The following MRPL48 variants were observed in gnomAD, a reference collection of about 807,000 sequenced individuals.
MRPL48 encodes mitochondrial ribosomal protein L48.
MRPL48 carries 16 observed loss-of-function variants against 32.9 expected under a neutral mutation model. The ratio of observed to expected loss-of-function variants is 0.49; its 90% confidence interval spans 0.33 to 0.74. The LOEUF is 0.74. MRPL48 is among the 30% of genes least tolerant of loss of function. The pLI is 0.02. For missense variants in MRPL48, 206 were observed against 245.3 expected (o/e 0.84, Z 1.07); for synonymous variants, 94 against 89.2 (o/e 1.05, Z -0.31).
At chr11:73,814,457 G>A (rs930567039) in intron 3 of MRPL48, among the ~76,000 whole-genome samples, 1 of 152,086 alleles carries the variant, frequency 6.6e-6, no homozygotes, top group African/African-American at 2.4e-5. Context: ...CACTTTGGGA[G>A]GCTGAGGCCA....
intron 1 of MRPL48, among the ~76,000 whole-genome samples, chr11:73,799,491 G>C (rs1439141020): frequency 6.6e-6 from 1 of 152,200 alleles, no homozygotes; most frequent in Non-Finnish European, 1.5e-5. Flanking sequence ...TGATTGTGGG[G>C]TCAGCTAGAA....
At chr11:73,803,749 C>T (rs1344545585) in intron 1 of MRPL48, among the ~76,000 whole-genome samples, 1 of 151,368 alleles carries the variant, frequency 6.6e-6, no homozygotes, top group Non-Finnish European at 1.5e-5. Context: ...GTTTCTTTCC[C>T]GTAAAACAAA....
chr11:73,859,286 CT>C (rs71065048), intron 5 of MRPL48, among the ~76,000 whole-genome samples: 8,654 of 144,888 alleles, frequency 0.06, 231 homozygotes, highest in Middle Eastern at 0.1. Context: ...TCTTTTCTTT[CT>C]TTTTTTTTTT....
chr11:73,853,102 G>A (rs149810548), intron 5 of MRPL48, among the ~76,000 whole-genome samples: 5 of 151,738 alleles, frequency 3.3e-5, no homozygotes, highest in Admixed American at 3.3e-4. Context: ...GCTGGGAAGG[G>A]CAGTGGGGGC....
At position 73,810,508 on chromosome 11, in the gene MRPL48, C is replaced by T. The variant is rs149820314; in HGVS notation, c.112+2158C>T. Among the ~76,000 whole-genome samples, 1,208 of 151,038 alleles carry T rather than the reference C, an allele frequency of 8.0e-3. 28 individuals are homozygous for T. Among genetic ancestry groups the T allele is most frequent in the Admixed American group, 0.042 (643 of 15,182 alleles). ...TGCACTCCAGCCTGGGCAACAAGAGCGAAACTCTGACTCAAAAAAGAAAAA... is the reference window on the plus strand; with the variant it reads ...TGCACTCCAGCCTGGGCAACAAGAGTGAAACTCTGACTCAAAAAAGAAAAA... On this transcript the variant is annotated intron_variant, in intron 3 of 7. Coordinates refer to ENST00000310614, the MANE Select transcript of MRPL48 (RefSeq NM_016055.6).
chr11:73,814,147 C>A (rs1167051868), intron 3 of MRPL48, among the ~76,000 whole-genome samples: 1 of 151,444 alleles, frequency 6.6e-6, no homozygotes, highest in African/African-American at 2.4e-5. Flanking sequence ...AACCTCAGCA[C>A]TTTGGGAGGT....
At chr11:73,849,756 A>C (rs961023117) in intron 5 of MRPL48, among the ~76,000 whole-genome samples, 1 of 152,202 alleles carries the variant, frequency 6.6e-6, no homozygotes, top group Non-Finnish European at 1.5e-5. Flanking sequence ...TTTCTCTAGG[A>C]GTATGATTGT....
intron 4 of MRPL48, among the ~76,000 whole-genome samples, chr11:73,836,022 C>G (rs1353315298): frequency 9.2e-5 from 14 of 152,040 alleles, no homozygotes; most frequent in Non-Finnish European, 2.1e-4. Context: ...CAACCTTTTC[C>G]TCCTGGGTTC....
intron 3 of MRPL48, among the ~76,000 whole-genome samples, chr11:73,818,364 G>C (rs1266093102): frequency 6.6e-6 from 1 of 152,198 alleles, no homozygotes; most frequent in Admixed American, 6.5e-5. Flanking sequence ...AGGGAACTTA[G>C]AGTGCTCTCA....
intron 3 of MRPL48, among the ~76,000 whole-genome samples, chr11:73,820,739 A>AATATATATATAT (rs71065040): frequency 2.0e-5 from 3 of 151,164 alleles, no homozygotes; most frequent in African/African-American, 7.3e-5. Flanking sequence ...TTGAGTGGAT[A>AATATATATATAT]ATATATATAT....
chr11:73,810,560 T>C (rs1235767716), intron 3 of MRPL48, among the ~76,000 whole-genome samples: 63 of 36,962 alleles, frequency 1.7e-3, no homozygotes, highest in African/African-American at 6.6e-3. Flanking sequence ...TCTTTCTTTA[T>C]TTTTTTTTTT....
At chr11:73,822,618 A>C in intron 3 of MRPL48, among the ~76,000 whole-genome samples, 1 of 152,206 alleles carries the variant, frequency 6.6e-6, no homozygotes, top group East Asian at 1.9e-4. Context: ...TATCTCTGAT[A>C]GGCCTCACAC....
At chr11:73,828,567 A>G (rs527485076) in intron 4 of MRPL48, among the ~76,000 whole-genome samples, 1 of 152,304 alleles carries the variant, frequency 6.6e-6, no homozygotes, top group African/African-American at 2.4e-5. Context: ...GACATGGTTC[A>G]TTCTCAGAGG....
At chr11:73,858,609 A>AT (rs555788658) in intron 5 of MRPL48, among the ~76,000 whole-genome samples, 48 of 152,346 alleles carry the variant, frequency 3.2e-4, no homozygotes, top group Admixed American at 2.2e-3. Flanking sequence ...AGGTCCACCT[A>AT]TAGAGGGCCA....
At chr11:73,839,151 C>T (rs767700642) in intron 4 of MRPL48, among the ~76,000 whole-genome samples, 2 of 152,132 alleles carry the variant, frequency 1.3e-5, no homozygotes, top group Non-Finnish European at 2.9e-5. Flanking sequence ...GGTCTATCAT[C>T]AGTATTACTG....
intron 2 of MRPL48, among the ~76,000 whole-genome samples, chr11:73,807,621 G>A (rs1055431096): frequency 1.4e-5 from 2 of 143,164 alleles, no homozygotes; most frequent in Admixed American, 1.4e-4. Context: ...TTAGATTGTA[G>A]TATTATTATC....
intron 4 of MRPL48, among the ~76,000 whole-genome samples, chr11:73,835,242 A>G (rs1199047080): frequency 2.7e-5 from 4 of 148,498 alleles, no homozygotes; most frequent in East Asian, 2.0e-4. Context: ...CCCTGGTTCA[A>G]GCGATTCTCT....
chr11:73,806,633 A>G (rs889979504), intron 2 of MRPL48, among the ~76,000 whole-genome samples: 3 of 152,296 alleles, frequency 2.0e-5, no homozygotes, highest in South Asian at 2.1e-4. Context: ...TAGGCCTACG[A>G]TGGTATCTGA....
chr11:73,827,812 A>T (rs976295447), intron 4 of MRPL48, among the ~76,000 whole-genome samples: 1 of 152,138 alleles, frequency 6.6e-6, no homozygotes, highest in Non-Finnish European at 1.5e-5. Flanking sequence ...ATTACCACCT[A>T]TCAGGCCTGT....
Sources: allele counts gnomAD v4.1 joint callset (sites outside exome capture counted in the v4.1 genomes callset), GRCh38; gene constraint gnomAD v4.1.1; transcripts MANE v1.5; gene names NCBI Gene and HGNC (gene_info 2026-07-23, HGNC 2026-07-21).